EHMT2: variants seen among roughly 807,000 people sequenced by gnomAD.
EHMT2 encodes the protein euchromatic histone lysine methyltransferase 2, also known as histone-lysine N-methyltransferase EHMT2.
In EHMT2, 59 loss-of-function variants were observed where a neutral mutation model predicts 143.3. The observed-to-expected ratio is 0.41, with a 90% CI of 0.33 to 0.51. The LOEUF (loss-of-function observed/expected upper bound fraction) is 0.51. EHMT2 is among the 20% of genes least tolerant of loss of function. The probability of loss-of-function intolerance (pLI) is 0.18; values close to 1 mark genes in which losing one functional copy is unlikely to be tolerated. For synonymous variants in EHMT2, 604 were observed against 651.5 expected (o/e 0.93, Z 1.11); for missense variants, 1,174 against 1,645.9 (o/e 0.71, Z 4.96).
At chr6:31,885,014 G>A in exon 19 of EHMT2, 1 of 1,603,970 alleles carries the variant, frequency 6.2e-7, no homozygotes, top group Non-Finnish European at 8.5e-7. Context: ...ACCCCCCACT[G>A]TCCTGTGGGT....
intron 3 of EHMT2, 42 bp downstream of exon 3, chr6:31,896,564 C>G: frequency 6.3e-7 from 1 of 1,598,008 alleles, no homozygotes; most frequent in Non-Finnish European, 8.5e-7. Flanking sequence ...AGGCAAGAGT[C>G]AGAAATTTCC....
At chr6:31,893,281 C>A in intron 4 of EHMT2, 1 of 444,540 alleles carries the variant, frequency 2.2e-6, no homozygotes, top group Non-Finnish European at 4.3e-6. Context: ...CAAAATGTGG[C>A]ATTTATACAC....
rs759964259 is a variant in EHMT2, at chr6:31,884,749, G to A, written c.2499C>T (p.Ile833=). Residue 833 remains isoleucine (I), a synonymous_variant, in exon 20 of 28, where the codon ATC becomes ATT. Transcript: ENST00000375537. This position sits in a 1 kb window ranked among gnomAD's most constrained non-coding sequence, Gnocchi z 7.3. ...AGCGCGCATTCAGAAGGACTTCGGC[G>A]ATGGCGGCGCTGCCCGTGAAGGAGG... The A allele has an allele frequency of 7.7e-4, 1,240 of 1,602,022 alleles. 8 individuals are homozygous for A. Among genetic ancestry groups the A allele is most frequent in the Non-Finnish European group, 2.5e-4 (291 of 1,174,776 alleles).
At chr6:31,886,612 A>G in exon 18 of EHMT2, 1 of 1,613,264 alleles carries the variant, frequency 6.2e-7, no homozygotes, top group Non-Finnish European at 8.5e-7. Context: ...TCCTGTGCTC[A>G]GCAGCAGGCT....
intron 4 of EHMT2, chr6:31,893,416 C>A (rs1181088943): frequency 2.3e-6 from 1 of 436,266 alleles, no homozygotes; most frequent in Non-Finnish European, 4.6e-6. Context: ...GAACTGGACT[C>A]AAGCCATTCT....
chr6:31,897,112 C>T, intron 1 of EHMT2, 123 bp from the exon 2 acceptor site: 5 of 1,424,878 alleles, frequency 3.5e-6, no homozygotes, highest in South Asian at 1.6e-5. Context: ...CTGTGGGGCC[C>T]CCCCCTTCCG....
At chr6:31,892,931 C>T in intron 4 of EHMT2, 21 bp from the exon 5 acceptor site, 1 of 1,527,462 alleles carries the variant, frequency 6.5e-7, no homozygotes, top group Non-Finnish European at 8.8e-7. Context: ...AGAGGGAGCA[C>T]ACTGAGGGTC....
In EHMT2 at chr6:31,883,090, A is replaced by G; in HGVS notation, c.2995-81T>C. ...ACCCAGGAACCCCAAGACTCTACAG[A>G]GACAGGGAAGTTGGGGTTGGGGAGG... On this transcript the variant is annotated intron_variant, in intron 23 of 27. Transcript: ENST00000375537. The surrounding 1 kb of genome is among the most constrained non-coding windows in gnomAD (Gnocchi z 5.6). The G allele has an allele frequency of 7.6e-7, 1 of 1,316,176 alleles. No individual in the cohort carries two copies. Among genetic ancestry groups the G allele is most frequent in the Non-Finnish European group, 1.1e-6 (1 of 928,286 alleles). 81.5% of individuals were successfully genotyped at this position (1,316,176 alleles called of 1,614,324 possible). A position where few individuals can be genotyped will look rare whatever the true frequency, so the allele number is the denominator to read the frequency against.
At position 31,889,302 on chromosome 6, in the gene EHMT2, C is replaced by A; in HGVS notation, c.1040G>T (p.Arg347Leu). ...CGGCTTCACCCATGGGCTGTCTTTT[C>A]GCCATTTCTTCTTGGCCTTGCGCCG... The change falls in exon 9 of 28, where the codon CGA becomes CTA. Residue 347 changes from arginine (R) to leucine (L), a missense_variant. By Grantham distance (102) the Arg-to-Leu change is moderately radical. This residue lies in a region of EHMT2 where 608 missense variants were observed against 903.7 expected (regional missense o/e 0.67). Transcript: ENST00000375537. The surrounding 1 kb of genome is among the most constrained non-coding windows in gnomAD (Gnocchi z 5.1). 1 of 1,612,396 alleles carries A rather than the reference C, an allele frequency of 6.2e-7. No individual in the cohort carries two copies. Among genetic ancestry groups the A allele is most frequent in the Non-Finnish European group, 8.5e-7 (1 of 1,180,020 alleles).
In EHMT2 at chr6:31,880,685, C is replaced by T; in HGVS notation, c.3440G>A (p.Gly1147Glu). The stretch of plus-strand genomic sequence containing the variant: ...CCTAGAGTCTCACCCTAGCTCCTCC[C>T]CAGTCCGGATGTCTCGGGAACTGAA... The change falls in exon 27 of 28, where the codon GGG (glycine) becomes GAG (glutamate). Residue 1147 changes from glycine to glutamate, a missense_variant. Physicochemically the swap from Gly to Glu is moderately conservative, Grantham distance 98. Transcript: ENST00000375537. This position sits in a 1 kb window ranked among gnomAD's most constrained non-coding sequence, Gnocchi z 6.6. The T allele has an allele frequency of 6.2e-7, 1 of 1,613,848 alleles. No homozygotes were observed. The highest frequency in any genetic ancestry group is 8.5e-7 in the Non-Finnish European group (1 of 1,180,034).
chr6:31,888,869 C>A lies in EHMT2; in HGVS notation c.1216+100G>T. On this transcript the variant is annotated intron_variant, in intron 10 of 27. Coordinates refer to ENST00000375537, the Ensembl canonical transcript of EHMT2. The surrounding 1 kb of genome is among the most constrained non-coding windows in gnomAD (Gnocchi z 7.4). Reference sequence around the variant, plus strand: ...ATGCCCCAGAACCCCTAAAGCCTGGCCATGGACACCCCGGCTCTGGCGTGG... The same window carrying A: ...ATGCCCCAGAACCCCTAAAGCCTGGACATGGACACCCCGGCTCTGGCGTGG... 6.7e-7 allele frequency: 1 copy of A among 1,492,692 alleles called. No homozygotes were observed. The highest frequency in any genetic ancestry group is 9.1e-7 in the Non-Finnish European group (1 of 1,098,620). The allele number at this position is 1,492,692 out of a possible 1,614,324, so 92.5% of individuals were successfully genotyped here.
chr6:31,883,350 A>AG lies in EHMT2; in HGVS notation c.2994+11dup, dbSNP rs758336246. ...GGGCCGGGTGTCTGTGGCCAAGGCA[A>AG]GGGGCACGCACCTTGTCATACCAGC... On this transcript the variant is annotated intron_variant, in intron 23 of 27. Transcript: ENST00000375537. The surrounding 1 kb of genome is among the most constrained non-coding windows in gnomAD (Gnocchi z 5.6). The AG allele has an allele frequency of 6.2e-7, 1 of 1,612,670 alleles. No individual in the cohort carries two copies. The highest frequency in any genetic ancestry group is 1.1e-5 in the South Asian group (1 of 91,010).
Position 31,888,088 on chromosome 6 carries a change from T to TGGGGGTGCA in EHMT2, c.1689_1697dup (p.Ala564_Pro566dup). Reference sequence around the variant, plus strand: ...TCCCGGGGACATCCTGGGACAGGGGTGGGGGTGCAGGAGCTGCAGTGCCGG... The same window carrying TGGGGGTGCA: ...TCCCGGGGACATCCTGGGACAGGGGTGGGGGTGCAGGGGGTGCAGGAGCTGCAGTGCCGG... On this transcript the variant is annotated inframe_insertion, in exon 13 of 28. Coordinates refer to ENST00000375537, the Ensembl canonical transcript of EHMT2. The surrounding 1 kb of genome is among the most constrained non-coding windows in gnomAD (Gnocchi z 7.4). 6.2e-7 allele frequency: 1 copy of TGGGGGTGCA among 1,606,588 alleles called. No individual in the cohort carries two copies. The highest frequency in any genetic ancestry group is 8.5e-7 in the Non-Finnish European group (1 of 1,177,060).
intron 25 of EHMT2, among the ~76,000 whole-genome samples, chr6:31,882,010 CAGG>C (rs1764165150): frequency 6.6e-6 from 1 of 151,450 alleles, no homozygotes. Context: ...GAGGCTGAGG[CAGG>C]AGAATCGCTT....
chr6:31,897,569 A>C, intron 1 of EHMT2, 67 bp downstream of exon 1: 1 of 1,092,402 alleles, frequency 9.2e-7, no homozygotes, highest in Non-Finnish European at 1.1e-6. Context: ...GGAGCATTGC[A>C]CGGGCGCGCG....
At position 31,888,298 on chromosome 6, in the gene EHMT2, G is replaced by A. The variant is rs1201925876; in HGVS notation, c.1510-22C>T. 2 of 1,612,320 alleles carry A rather than the reference G, an allele frequency of 1.2e-6. No homozygotes were observed. Among genetic ancestry groups the A allele is most frequent in the Admixed American group, 1.7e-5 (1 of 59,988 alleles). ...TGCCCTGGGAGCAGGGAAACGACAT[G>A]GTCAGGTTACTGGGGCCCCCTCTGC... is the stretch of plus-strand genomic sequence containing the variant. On this transcript the variant is annotated intron_variant, in intron 12 of 27. Coordinates refer to ENST00000375537, the Ensembl canonical transcript of EHMT2. The surrounding 1 kb of genome is among the most constrained non-coding windows in gnomAD (Gnocchi z 7.4).
intron 18 of EHMT2, 176 bp downstream of exon 18, chr6:31,886,405 G>A: frequency 1.6e-6 from 1 of 614,246 alleles, no homozygotes; most frequent in Non-Finnish European, 2.8e-6. Context: ...TTGATAAAGA[G>A]AAAGAAACGA....
chr6:31,883,016 T>TGC lies in EHMT2; in HGVS notation c.2995-9_2995-8dup. The TGC allele has an allele frequency of 1.2e-6, 2 of 1,611,400 alleles. No individual in the cohort carries two copies. The highest frequency in any genetic ancestry group is 1.7e-6 in the Non-Finnish European group (2 of 1,179,234). The stretch of plus-strand genomic sequence containing the variant: ...CCTGGAGCAATCGCCCATCCTAGGG[T>TGC]GCGGAGGGGAGGATAGTGGTTTCTC... On this transcript the variant is annotated splice_region_variant and splice_polypyrimidine_tract_variant and intron_variant, in intron 23 of 27. Transcript: ENST00000375537. This position sits in a 1 kb window ranked among gnomAD's most constrained non-coding sequence, Gnocchi z 5.6.
In EHMT2 at chr6:31,884,377, G is replaced by A. The variant is rs1265070700; in HGVS notation, c.2771+15C>T. 6.2e-7 allele frequency: 1 copy of A among 1,604,376 alleles called. No individual in the cohort carries two copies. The highest frequency in any genetic ancestry group is 2.2e-5 in the East Asian group (1 of 44,718). The stretch of plus-strand genomic sequence containing the variant: ...AGGAGGTGGTCTTGGGTGCAGAGAG[G>A]GGCCCAGGGCTCACCGGCAGATGAT... On this transcript the variant is annotated intron_variant, in intron 21 of 27. Transcript: ENST00000375537. The surrounding 1 kb of genome is among the most constrained non-coding windows in gnomAD (Gnocchi z 7.3).
Sources: allele counts gnomAD v4.1 joint callset (sites outside exome capture counted in the v4.1 genomes callset), GRCh38; gene constraint gnomAD v4.1.1; regional missense constraint gnomAD v4.1.1; non-coding constraint Gnocchi (gnomAD v3.1); transcripts MANE v1.5; gene names NCBI Gene and HGNC (gene_info 2026-07-23, HGNC 2026-07-21).